The following SPAG1 variants were observed in gnomAD, a reference collection of about 807,000 sequenced individuals.
SPAG1 encodes sperm-associated antigen 1.
Under a neutral mutation model 100.5 loss-of-function variants are expected in SPAG1, and 69 were observed. The observed-to-expected ratio is 0.69, with a 90% CI of 0.57 to 0.84. SPAG1 has a LOEUF of 0.84. Ranked by LOEUF, SPAG1 falls within the 40% of genes least tolerant of loss-of-function variation. The pLI, the probability that SPAG1 is intolerant of heterozygous loss-of-function variation, is 0.00. For synonymous variants in SPAG1, 336 were observed against 411.6 expected (o/e 0.82, Z 2.22); for missense variants, 955 against 1,133.1 (o/e 0.84, Z 2.26).
At chr8:100,175,284 C>CT (rs1329134913) in intron 3 of SPAG1, among the ~76,000 whole-genome samples, 20,755 of 126,396 alleles carry the variant, frequency 0.16, 1,998 homozygotes, top group South Asian at 0.23. Flanking sequence ...CAGTGAAGTT[C>CT]TTTTTTTTTT....
At chr8:100,201,070 G>A (rs1172547854) in intron 10 of SPAG1, among the ~76,000 whole-genome samples, 2 of 151,562 alleles carry the variant, frequency 1.3e-5, no homozygotes, top group African/African-American at 4.9e-5. Flanking sequence ...TCAAATCCAA[G>A]GTTTAAAAAC....
At chr8:100,186,509 T>C (rs1816596404) in intron 7 of SPAG1, among the ~76,000 whole-genome samples, 1 of 152,220 alleles carries the variant, frequency 6.6e-6, no homozygotes, top group African/African-American at 2.4e-5. Flanking sequence ...GATCTATCAG[T>C]ATTTAAATTC....
At chr8:100,191,918 C>G (rs1816834005) in intron 9 of SPAG1, among the ~76,000 whole-genome samples, 1 of 152,094 alleles carries the variant, frequency 6.6e-6, no homozygotes, top group Non-Finnish European at 1.5e-5. Flanking sequence ...CTTAGGGGAT[C>G]TGTATTCACG....
chr8:100,238,577 C>T (rs1180219771), intron 16 of SPAG1, among the ~76,000 whole-genome samples: 3 of 152,188 alleles, frequency 2.0e-5, no homozygotes, highest in Admixed American at 2.0e-4. Context: ...GTCTTTGCTG[C>T]TAGATTCAGT....
At chr8:100,215,973 T>C (rs1817969257) in intron 12 of SPAG1, among the ~76,000 whole-genome samples, 1 of 152,240 alleles carries the variant, frequency 6.6e-6, no homozygotes, top group Non-Finnish European at 1.5e-5. Flanking sequence ...TCAGACCGCA[T>C]CCTCAGTTGT....
At chr8:100,228,593 G>C (rs1311481300) in intron 14 of SPAG1, among the ~76,000 whole-genome samples, 1 of 151,840 alleles carries the variant, frequency 6.6e-6, no homozygotes, top group Non-Finnish European at 1.5e-5. Context: ...TGCCCCTGTA[G>C]TCCCAGCTGC....
chr8:100,231,038 C>T lies in SPAG1; in HGVS notation c.1856-118C>T, dbSNP rs17336121. On this transcript the variant is annotated intron_variant, in intron 14 of 18. Coordinates refer to ENST00000388798, the MANE Select transcript of SPAG1 (RefSeq NM_003114.5). ...AAGTTTTGTTCTAGTTAGATTTTCA[C>T]CCTGCATGCTGTGTGGTCAAGTTAA... The T allele has an allele frequency of 0.036, 26,616 of 742,806 alleles. 591 individuals are homozygous for T. Among genetic ancestry groups the T allele is most frequent in the Non-Finnish European group, 0.046 (22,845 of 496,740 alleles). 46.0% of individuals were successfully genotyped at this position (742,806 alleles called of 1,614,324 possible).
intron 9 of SPAG1, 149 bp from the exon 10 acceptor site, chr8:100,193,963 A>G (rs1375689912): frequency 7.2e-6 from 4 of 555,908 alleles, no homozygotes; most frequent in Admixed American, 4.0e-5. Flanking sequence ...TTTACAGTGG[A>G]CATCTATGAT....
Position 100,231,265 on chromosome 8 carries a change from G to C in SPAG1, c.1965G>C (p.Lys655Asn). 1 of 1,588,044 alleles carries C rather than the reference G, an allele frequency of 6.3e-7. No individual in the cohort carries two copies. The highest frequency in any genetic ancestry group is 8.6e-7 in the Non-Finnish European group (1 of 1,163,890). The change falls in exon 15 of 19, where the codon AAG becomes AAC. Residue 655 changes from lysine (K) to asparagine (N), a missense_variant. Physicochemically the swap from Lys to Asn is moderately conservative, Grantham distance 94 (BLOSUM62 0). Coordinates refer to ENST00000388798, the MANE Select transcript of SPAG1 (RefSeq NM_003114.5). ...GCGAATGCTTAAAGATTAACAATAAGGAATGTGCCATATATACAAACAGGC... is the reference window on the plus strand; with the variant it reads ...GCGAATGCTTAAAGATTAACAATAACGAATGTGCCATATATACAAACAGGC... ...KYSECLKINN[K>N]ECAIYTNRAL...
intron 10 of SPAG1, among the ~76,000 whole-genome samples, chr8:100,205,205 C>T (rs1393730293): frequency 6.6e-6 from 1 of 152,150 alleles, no homozygotes; most frequent in East Asian, 1.9e-4. Flanking sequence ...GAGTCTGGGT[C>T]CCCTTGAGGA....
chr8:100,203,239 G>A (rs560268779), intron 10 of SPAG1, among the ~76,000 whole-genome samples: 1 of 152,122 alleles, frequency 6.6e-6, no homozygotes, highest in Admixed American at 6.5e-5. Flanking sequence ...CTTCAGTTTC[G>A]AGACTTGGAC....
intron 14 of SPAG1, among the ~76,000 whole-genome samples, chr8:100,228,147 A>G (rs1818601723): frequency 6.6e-6 from 1 of 152,094 alleles, no homozygotes; most frequent in African/African-American, 2.4e-5. Flanking sequence ...GCTATGTGAG[A>G]TCTTTTGAAA....
At chr8:100,160,286 C>A (rs1198501267) in intron 1 of SPAG1, among the ~76,000 whole-genome samples, 1 of 152,106 alleles carries the variant, frequency 6.6e-6, no homozygotes, top group East Asian at 1.9e-4. Context: ...CTTTCACAAA[C>A]TAGAAGGGAA....
intron 3 of SPAG1, 120 bp downstream of exon 3, chr8:100,166,093 C>G (rs988774998): frequency 3.5e-6 from 3 of 863,452 alleles, no homozygotes; most frequent in African/African-American, 1.7e-5. Flanking sequence ...GTCAATTAGG[C>G]AGGATTGGTT....
At chr8:100,240,864 G>GTTTTTTTTT (rs57110081) in intron 18 of SPAG1, 27 bp from the exon 19 acceptor site, 913 of 1,388,032 alleles carry the variant, frequency 6.6e-4, no homozygotes, top group South Asian at 2.2e-3. Flanking sequence ...TTGGTTTTTT[G>GTTTTTTTTT]TTTTTTTTTT....
At position 100,186,229 on chromosome 8, in the gene SPAG1, G is replaced by A. The variant is rs572398665; in HGVS notation, c.702-891G>A. On this transcript the variant is annotated intron_variant, in intron 7 of 18. Transcript: ENST00000388798. The stretch of plus-strand genomic sequence containing the variant: ...CTACAGGTGTGAGTCACCATACCTG[G>A]ATAATTTTCTCTTGTGTTTTTTGTA... Among the ~76,000 whole-genome samples the A allele has an allele frequency of 4.0e-5, 6 of 151,898 alleles. 1 individual carries two copies. The highest frequency in any genetic ancestry group is 1.4e-4 in the African/African-American group (6 of 41,412).
In SPAG1 at chr8:100,240,972, CA is replaced by C; in HGVS notation, c.2732del (p.His911LeufsTer4). On this transcript the variant is annotated frameshift_variant, in exon 19 of 19. Transcript: ENST00000388798. LOFTEE classifies it high-confidence loss of function. ...FEDLSDTPNN[H>X]FTLEDIQALK... ...GGACCTTTCGGACACACCAAACAAC[CA>C]TTTTACTTTAGAAGATATACAGGCC... 1.2e-6 allele frequency: 2 copies of C among 1,612,960 alleles called. No individual in the cohort carries two copies. Among genetic ancestry groups the C allele is most frequent in the Non-Finnish European group, 1.7e-6 (2 of 1,179,566 alleles).
At chr8:100,162,156 C>CT in intron 1 of SPAG1, 123 bp from the exon 2 acceptor site, 1 of 724,980 alleles carries the variant, frequency 1.4e-6, no homozygotes, top group Non-Finnish European at 2.2e-6. Context: ...TAGGGAGACT[C>CT]TGTCTCTACA....
Position 100,239,167 on chromosome 8 carries a change from C to T in SPAG1, c.2116-73C>T. On this transcript the variant is annotated intron_variant, in intron 16 of 18. Transcript: ENST00000388798. This position sits in a 1 kb window ranked among gnomAD's most constrained non-coding sequence, Gnocchi z 5.0. ...CATACTGCACAGCTCACTACATCCA[C>T]CCCACTCCCACTCAGGTTACTCTAG... The T allele has an allele frequency of 1.1e-6, 1 of 912,570 alleles. No individual in the cohort carries two copies. Among genetic ancestry groups the T allele is most frequent in the Non-Finnish European group, 1.7e-6 (1 of 598,978 alleles). 56.5% of individuals were successfully genotyped at this position (912,570 alleles called of 1,614,324 possible).
Sources: allele counts gnomAD v4.1 joint callset (sites outside exome capture counted in the v4.1 genomes callset), GRCh38; gene constraint gnomAD v4.1.1; non-coding constraint Gnocchi (gnomAD v3.1); transcripts MANE v1.5; gene names NCBI Gene and HGNC (gene_info 2026-07-23, HGNC 2026-07-21).